Variants in IQANK1 observed in about 807,000 individuals in gnomAD.
IQANK1 encodes IQ motif and ankyrin repeat domain-containing protein 1.
IQANK1 carries 30 observed loss-of-function variants against 22.6 expected under a neutral mutation model. That is an observed-to-expected ratio of 1.33 (90% CI 0.99 to 1.80). IQANK1 has a LOEUF of 1.80. Among genes scored for constraint, IQANK1 ranks in the 40% most tolerant of loss-of-function variants. IQANK1 has a pLI of 0.00. For missense variants in IQANK1, 275 were observed against 235.2 expected, an observed-to-expected ratio of 1.17 and a Z score of -1.11; for synonymous variants, 122 against 99.6, an observed-to-expected ratio of 1.23 and a Z score of -1.34.
chr8:143,775,363 C>CAG, intron 7 of IQANK1, among the ~76,000 whole-genome samples: 1 of 151,986 alleles, frequency 6.6e-6, no homozygotes, highest in African/African-American at 2.4e-5. Context: ...CAGACACACA[C>CAG]ACACACACAC....
chr8:143,751,930 GT>G (rs59874366), intron 3 of IQANK1, among the ~76,000 whole-genome samples: 148,453 of 149,504 alleles, frequency 0.99, 73,711 homozygotes, highest in South Asian at 1. Context: ...TTTTTTGCCA[GT>G]TTTTTTTTTC....
intron 7 of IQANK1, among the ~76,000 whole-genome samples, chr8:143,776,341 A>G (rs1372244602): frequency 6.7e-6 from 1 of 149,290 alleles, no homozygotes; most frequent in African/African-American, 2.5e-5. Flanking sequence ...AAAAAAAAAA[A>G]AAAAGAAAAA....
In IQANK1 at chr8:143,774,476, G is replaced by C. The variant is rs1163590040; in HGVS notation, c.789+1994G>C. Among the ~76,000 whole-genome samples the C allele has an allele frequency of 6.6e-6, 1 of 152,178 alleles. No homozygotes were observed. Among genetic ancestry groups the C allele is most frequent in the African/African-American group, 2.4e-5 (1 of 41,446 alleles). On this transcript the variant is annotated intron_variant, in intron 7 of 13. Transcript: ENST00000527139. The surrounding 1 kb of genome is among the most constrained non-coding windows in gnomAD (Gnocchi z 4.2). ...TTGCACACCACCTCACACCTCCCAG[G>C]ACAGCCCAGGTCAAACTAGAGCTGG...
chr8:143,790,229 T>C lies in IQANK1; in HGVS notation c.1382T>C (p.Leu461Pro), dbSNP rs1820005522. The C allele has an allele frequency of 1.6e-6, 2 of 1,232,176 alleles. No homozygotes were observed. The highest frequency in any genetic ancestry group is 6.3e-5 in the East Asian group (2 of 31,700). 76.3% of individuals were successfully genotyped at this position (1,232,176 alleles called of 1,614,324 possible). The change falls in exon 13 of 14, where the codon CTG (leucine) becomes CCG (proline). Residue 461 changes from leucine to proline, a missense_variant. Physicochemically the swap from Leu to Pro is moderately conservative, Grantham distance 98. Transcript: ENST00000527139. ...GTGGACACGGTGAACCCGGAGCCCC[T>C]GAGGCCGGAGACGATGTGGCTGGCT... The part of the protein sequence containing the change: ...NYVDTVNPEP[L>P]RPETMWLALL...
chr8:143,787,359 G>A (rs1171992452), intron 7 of IQANK1, among the ~76,000 whole-genome samples: 1 of 152,138 alleles, frequency 6.6e-6, no homozygotes, highest in Non-Finnish European at 1.5e-5. Flanking sequence ...GGCCGTGGAG[G>A]TGAGTTTACC....
chr8:143,766,828 C>T (rs560926417), intron 3 of IQANK1, among the ~76,000 whole-genome samples: 6 of 152,288 alleles, frequency 3.9e-5, no homozygotes, highest in African/African-American at 1.2e-4. Flanking sequence ...CCTTCCGGTG[C>T]GATCACCAGT....
In IQANK1 at chr8:143,739,586, G is replaced by A. The variant is rs1818837875; in HGVS notation, c.86-273G>A. On this transcript the variant is annotated intron_variant, in intron 2 of 13. Coordinates refer to ENST00000527139, the MANE Select transcript of IQANK1 (RefSeq NM_001381874.1). ...GGTCCTTCTAGCAGAGGCACCACCT[G>A]CCCATCCTTGGGCCCACAAGAGCCC... 1.3e-5 allele frequency: 5 copies of A among 378,070 alleles called. No homozygotes were observed. In the South Asian group the frequency reaches 3.5e-4, roughly 27 times the overall value. The allele number at this position is 378,070 out of a possible 1,614,324, so 23.4% of individuals were successfully genotyped here. A position where few individuals can be genotyped will look rare whatever the true frequency, so the allele number is the denominator to read the frequency against.
intron 3 of IQANK1, chr8:143,742,594 C>A (rs1430130568): frequency 6.6e-6 from 3 of 455,990 alleles, no homozygotes; most frequent in Non-Finnish European, 1.3e-5. Flanking sequence ...GCTGGGAAAC[C>A]CAGCCTGGGA....
chr8:143,748,498 T>G (rs1160487270), intron 3 of IQANK1, among the ~76,000 whole-genome samples: 9 of 139,818 alleles, frequency 6.4e-5, no homozygotes, highest in Non-Finnish European at 1.2e-4. Flanking sequence ...AGATGATATA[T>G]ATGATATATA....
chr8:143,742,254 C>T (rs549539465), intron 3 of IQANK1: 23 of 405,136 alleles, frequency 5.7e-5, no homozygotes, highest in South Asian at 3.2e-4. Context: ...TGATACACAG[C>T]GCTCAAGTGA....
Sources: gnomAD v4.1 joint callset for allele counts (sites outside exome capture counted in the v4.1 genomes callset) on GRCh38, gnomAD v4.1.1 for gene constraint, Gnocchi (gnomAD v3.1) non-coding constraint, MANE v1.5 for transcripts, NCBI Gene and HGNC (gene_info 2026-07-23, HGNC 2026-07-21) for gene names.